The following ARHGAP22 variants were observed in gnomAD, a reference collection of about 807,000 sequenced individuals.
ARHGAP22 encodes the protein Rho GTPase activating protein 22, also known as rho GTPase-activating protein 22.
Under a neutral mutation model 59.1 loss-of-function variants are expected in ARHGAP22, and 48 were observed. That is an observed-to-expected ratio of 0.81 (90% confidence interval 0.64 to 1.03). ARHGAP22 has a LOEUF of 1.03. Ranked by LOEUF, ARHGAP22 falls within the 50% of genes least tolerant of loss-of-function variation. The pLI is 0.00. For missense variants in ARHGAP22, 1,015 were observed against 958.7 expected, an observed-to-expected ratio of 1.06 and a Z score of -0.78; for synonymous variants, 445 against 416.4, an observed-to-expected ratio of 1.07 and a Z score of -0.84.
intron 3 of ARHGAP22, among the ~76,000 whole-genome samples, chr10:48,513,047 C>T (rs566830821): frequency 1.3e-5 from 2 of 152,134 alleles, no homozygotes; most frequent in African/African-American, 2.4e-5. Flanking sequence ...TTCTCCCCCA[C>T]CCACTCTTTT....
At chr10:48,651,986 G>A (rs1365261215) in intron 1 of ARHGAP22, among the ~76,000 whole-genome samples, 1 of 152,112 alleles carries the variant, frequency 6.6e-6, no homozygotes, top group Admixed American at 6.6e-5. Flanking sequence ...AGAGCCCTGA[G>A]TCATTAGAGC....
In ARHGAP22 at chr10:48,564,206, G is replaced by A. The variant is rs914023654; in HGVS notation, c.235-8656C>T. 4.6e-5 allele frequency among the ~76,000 whole-genome samples: 7 copies of A among 152,106 alleles called. 1 individual carries two copies. The highest frequency in any genetic ancestry group is 1.7e-4 in the African/African-American group (7 of 41,378). On this transcript the variant is annotated intron_variant, in intron 2 of 9. Coordinates refer to ENST00000249601, the MANE Select transcript of ARHGAP22 (RefSeq NM_021226.4). The stretch of plus-strand genomic sequence containing the variant: ...TAAGGAAAAACAAATGCACAAAAAT[G>A]GATGCATAACAATCCTCAATGTAAC...
chr10:48,563,312 G>A (rs1000900341), intron 2 of ARHGAP22, among the ~76,000 whole-genome samples: 5 of 148,700 alleles, frequency 3.4e-5, no homozygotes, highest in African/African-American at 1.2e-4. Context: ...GCCTGCCTCA[G>A]CCTCCCCAGT....
chr10:48,620,496 G>T (rs1158929483), intron 1 of ARHGAP22, among the ~76,000 whole-genome samples: 2 of 152,124 alleles, frequency 1.3e-5, no homozygotes, highest in African/African-American at 4.8e-5. Context: ...AATGCCACAG[G>T]GTTGTTTTCA....
chr10:48,441,281 G>A (rs1190515227), downstream of ARHGAP22, among the ~76,000 whole-genome samples: 2 of 152,140 alleles, frequency 1.3e-5, no homozygotes, highest in African/African-American at 2.4e-5. Context: ...CCACTTTAGA[G>A]TTAACCTAGA....
rs1312159181 is a variant in ARHGAP22 at position 48,582,958 on chromosome 10, G to A, written c.229C>T (p.Pro77Ser). Residue 77 changes from proline to serine, a missense_variant, in exon 2 of 10, where the codon CCC (proline) becomes TCC (serine). Pro to Ser is a moderately conservative substitution (Grantham distance 74, BLOSUM62 -1). Coordinates refer to ENST00000249601, the MANE Select transcript of ARHGAP22 (RefSeq NM_021226.4). ...FYYKDKDEIK[P>S]QGFISLQGTQ... ...ACCGGACATGCACTTCTCACCTGGGGCTTGATCTCATCTTTGTCCTTGTAG... is the reference window on the plus strand; with the variant it reads ...ACCGGACATGCACTTCTCACCTGGGACTTGATCTCATCTTTGTCCTTGTAG... The A allele has an allele frequency of 6.2e-7, 1 of 1,614,092 alleles. No individual in the cohort carries two copies. Among genetic ancestry groups the A allele is most frequent in the African/African-American group, 1.3e-5 (1 of 74,932 alleles).
At chr10:48,598,950 C>T (rs759593484) in intron 1 of ARHGAP22, among the ~76,000 whole-genome samples, 46 of 152,330 alleles carry the variant, frequency 3.0e-4, no homozygotes, top group Middle Eastern at 3.4e-3. Context: ...CAGCAGTGCC[C>T]CTTCCTGGTT....
chr10:48,555,969 G>A (rs1440480976), intron 2 of ARHGAP22, among the ~76,000 whole-genome samples: 5 of 152,162 alleles, frequency 3.3e-5, no homozygotes, highest in East Asian at 3.9e-4. Flanking sequence ...ATCTGTGTGC[G>A]TCCAGTCCTG....
chr10:48,515,576 C>T (rs2053208480), intron 3 of ARHGAP22, among the ~76,000 whole-genome samples: 1 of 152,142 alleles, frequency 6.6e-6, no homozygotes, highest in African/African-American at 2.4e-5. Context: ...GCAGACCTAA[C>T]ATACAACTGT....
intron 3 of ARHGAP22, among the ~76,000 whole-genome samples, chr10:48,504,370 G>A (rs1391820658): frequency 6.6e-6 from 1 of 152,222 alleles, no homozygotes; most frequent in Admixed American, 6.5e-5. Flanking sequence ...GACATATGGG[G>A]TGGCCTGGAT....
chr10:48,550,291 C>A (rs1564862039), intron 3 of ARHGAP22, among the ~76,000 whole-genome samples: 2 of 152,226 alleles, frequency 1.3e-5, no homozygotes, highest in African/African-American at 4.8e-5. Flanking sequence ...GAGTCAATGT[C>A]TGCCTTCCTG....
intron 3 of ARHGAP22, among the ~76,000 whole-genome samples, chr10:48,490,142 C>G (rs2050242305): frequency 6.6e-6 from 1 of 152,130 alleles, no homozygotes; most frequent in African/African-American, 2.4e-5. Context: ...ACTCATGCAC[C>G]TGTAGGGGGA....
downstream of ARHGAP22, among the ~76,000 whole-genome samples, chr10:48,443,535 T>TG (rs2045251856): frequency 6.6e-6 from 1 of 151,816 alleles, no homozygotes; most frequent in Admixed American, 6.6e-5. Context: ...CTGGTGCAAG[T>TG]GGGGGTTCTT....
chr10:48,546,557 C>A, intron 3 of ARHGAP22: 1 of 157,504 alleles, frequency 6.3e-6, no homozygotes, highest in South Asian at 1.8e-4. Context: ...CAACATAGGT[C>A]CATACGGGCA....
At chr10:48,433,305 C>T in the ARHGAP22 span, among the ~76,000 whole-genome samples, 3 of 152,098 alleles carry the variant, frequency 2.0e-5, no homozygotes, top group Non-Finnish European at 2.9e-5. Flanking sequence ...AGACCCTGAA[C>T]TAGAGGCATA....
Position 48,453,183 on chromosome 10 carries a change from C to T in ARHGAP22, c.988+121G>A, listed in dbSNP as rs2046151530. Reference sequence around the variant, plus strand: ...AGTCCCCAGAGATGGAGATGTGCCACCTGAGCCACCCCTCCTGCTGGCCTG... The same window carrying T: ...AGTCCCCAGAGATGGAGATGTGCCATCTGAGCCACCCCTCCTGCTGGCCTG... On this transcript the variant is annotated intron_variant, in intron 8 of 9. Coordinates refer to ENST00000249601, the MANE Select transcript of ARHGAP22 (RefSeq NM_021226.4). 2.1e-6 allele frequency: 3 copies of T among 1,420,508 alleles called. No homozygotes were observed. In the East Asian group the frequency reaches 7.2e-5, roughly 34 times the overall value. 88.0% of individuals were successfully genotyped at this position (1,420,508 alleles called of 1,614,324 possible).
At chr10:48,601,768 C>T (rs1243765138) in intron 1 of ARHGAP22, among the ~76,000 whole-genome samples, 1 of 151,756 alleles carries the variant, frequency 6.6e-6, no homozygotes, top group Non-Finnish European at 1.5e-5. Flanking sequence ...TTCATAATTG[C>T]CTTGTTTTTT....
intron 3 of ARHGAP22, among the ~76,000 whole-genome samples, chr10:48,491,477 A>G (rs2050381855): frequency 6.6e-6 from 1 of 152,224 alleles, no homozygotes; most frequent in African/African-American, 2.4e-5. Context: ...CACTGATTGC[A>G]ATCAATACAC....
intron 3 of ARHGAP22, among the ~76,000 whole-genome samples, chr10:48,549,848 C>G (rs1223741520): frequency 6.6e-6 from 1 of 152,198 alleles, no homozygotes; most frequent in Admixed American, 6.5e-5. Context: ...GCCTCTCCAC[C>G]TTGGACCCTG....
Sources: allele counts gnomAD v4.1 joint callset (sites outside exome capture counted in the v4.1 genomes callset), GRCh38; gene constraint gnomAD v4.1.1; transcripts MANE v1.5; gene names NCBI Gene and HGNC (gene_info 2026-07-23, HGNC 2026-07-21).